The following LTBP1 variants were observed in gnomAD, a reference collection of about 807,000 sequenced individuals.
LTBP1 encodes latent-transforming growth factor beta-binding protein 1.
LTBP1 carries 129 observed loss-of-function variants against 207.6 expected under a neutral mutation model. The observed-to-expected ratio is 0.62, with a 90% CI of 0.54 to 0.72. The LOEUF (loss-of-function observed/expected upper bound fraction) is 0.72, where lower values mean the gene tolerates loss of function less well. LTBP1 is among the 30% of genes least tolerant of loss of function. The probability of loss-of-function intolerance (pLI) is 0.00; values close to 1 mark genes in which losing one functional copy is unlikely to be tolerated. For missense variants in LTBP1, 2,281 were observed against 2,217.2 expected (o/e 1.03, Z -0.58); for synonymous variants, 963 against 833.7 (o/e 1.16, Z -2.67).
chr2:33,230,056 A>T (rs1254413674), intron 9 of LTBP1, among the ~76,000 whole-genome samples: 5 of 152,198 alleles, frequency 3.3e-5, no homozygotes, highest in African/African-American at 1.2e-4. Flanking sequence ...ACTTGCTCAC[A>T]TTACATATGT....
intron 5 of LTBP1, among the ~76,000 whole-genome samples, chr2:33,155,252 G>T (rs2083874756): frequency 6.6e-6 from 1 of 152,100 alleles, no homozygotes. Flanking sequence ...TTTTAGAAGA[G>T]ATACGGTTTC....
chr2:33,252,214 A>T (rs570545855), intron 10 of LTBP1, among the ~76,000 whole-genome samples: 1 of 152,242 alleles, frequency 6.6e-6, no homozygotes, highest in South Asian at 2.1e-4. Context: ...CTTCCCTGGG[A>T]TGAGAAGAGC....
Position 33,397,162 on chromosome 2 carries a change from G to A in LTBP1, c.4864G>A (p.Ala1622Thr), listed in dbSNP as rs1181504148. 2 of 1,614,020 alleles carry A rather than the reference G, an allele frequency of 1.2e-6. No homozygotes were observed. Among genetic ancestry groups the A allele is most frequent in the Non-Finnish European group, 1.7e-6 (2 of 1,179,968 alleles). Residue 1622 changes from alanine to threonine, a missense_variant, in exon 33 of 34, where the codon GCT becomes ACT. Physicochemically the swap from Ala to Thr is moderately conservative, Grantham distance 58. Coordinates refer to ENST00000404816, the MANE Select transcript of LTBP1 (RefSeq NM_206943.4). The stretch of plus-strand genomic sequence containing the variant: ...TCTAAATAGCTTTGAGGAGTTACAG[G>A]CTGAGGAATGCGGCATCCTCAATGG... ...RFLNSFEELQ[A>T]EECGILNGCE...
At chr2:33,045,833 C>T (rs992359600) in intron 3 of LTBP1, among the ~76,000 whole-genome samples, 2 of 152,092 alleles carry the variant, frequency 1.3e-5, no homozygotes, top group African/African-American at 4.8e-5. Context: ...CCTTCACATC[C>T]CTTGTAAGTT....
intron 2 of LTBP1, among the ~76,000 whole-genome samples, chr2:33,015,885 C>T (rs1688307895): frequency 6.6e-6 from 1 of 152,038 alleles, no homozygotes; most frequent in Admixed American, 6.5e-5. Flanking sequence ...TTTTGAACAA[C>T]CAGATCTCAG....
intron 3 of LTBP1, among the ~76,000 whole-genome samples, chr2:33,054,823 C>T (rs2149541171): frequency 6.6e-6 from 1 of 152,260 alleles, no homozygotes; most frequent in South Asian, 2.1e-4. Flanking sequence ...CCCCAGGCAC[C>T]CTCAGTCCTG....
chr2:32,959,549 ATGTGTG>A (rs10649487), intron 2 of LTBP1, among the ~76,000 whole-genome samples: 9 of 125,346 alleles, frequency 7.2e-5, no homozygotes, highest in African/African-American at 1.5e-4. Context: ...CTGTATATAT[ATGTGTG>A]TGTGTGTGTG....
chr2:33,248,258 A>T (rs2092572816), intron 10 of LTBP1, among the ~76,000 whole-genome samples: 1 of 152,242 alleles, frequency 6.6e-6, no homozygotes, highest in South Asian at 2.1e-4. Flanking sequence ...TATGTGAATT[A>T]TCCCATATAA....
chr2:33,258,294 A>G (rs2092916460), intron 12 of LTBP1, among the ~76,000 whole-genome samples: 1 of 152,200 alleles, frequency 6.6e-6, no homozygotes. Context: ...ATTTGTATGG[A>G]ATAGACGTAT....
At chr2:33,304,968 A>C (rs1383063328) in intron 22 of LTBP1, among the ~76,000 whole-genome samples, 2 of 152,254 alleles carry the variant, frequency 1.3e-5, no homozygotes, top group Admixed American at 1.3e-4. Context: ...TAAACCAAAC[A>C]GAAATTTCTT....
At chr2:32,982,255 G>A (rs568698336) in intron 2 of LTBP1, among the ~76,000 whole-genome samples, 1 of 152,292 alleles carries the variant, frequency 6.6e-6, no homozygotes, top group South Asian at 2.1e-4. Flanking sequence ...GTGGCATTTT[G>A]CTTTTGCCCT....
intron 2 of LTBP1, among the ~76,000 whole-genome samples, chr2:33,011,537 G>C (rs1417374827): frequency 6.6e-6 from 1 of 152,056 alleles, no homozygotes; most frequent in Non-Finnish European, 1.5e-5. Context: ...ACCGAGTGAA[G>C]TCACAGGGAG....
chr2:33,339,257 G>T (rs960427320), intron 24 of LTBP1, among the ~76,000 whole-genome samples: 1 of 152,068 alleles, frequency 6.6e-6, no homozygotes, highest in Non-Finnish European at 1.5e-5. Flanking sequence ...TAATAAATTC[G>T]TTTATTATGA....
intron 15 of LTBP1, among the ~76,000 whole-genome samples, chr2:33,271,713 CCTT>C (rs2093326178): frequency 6.6e-6 from 1 of 152,132 alleles, no homozygotes; most frequent in Non-Finnish European, 1.5e-5. Flanking sequence ...TTCCCTCCAA[CCTT>C]CTTTTCTGTG....
At chr2:33,015,537 G>A (rs7607820) in intron 2 of LTBP1, among the ~76,000 whole-genome samples, 1 of 145,956 alleles carries the variant, frequency 6.9e-6, no homozygotes, top group Non-Finnish European at 1.5e-5. Flanking sequence ...AACCTAGTTG[G>A]CAAATAGGAG....
intron 2 of LTBP1, among the ~76,000 whole-genome samples, chr2:32,993,589 T>A (rs1240309620): frequency 6.6e-6 from 1 of 152,220 alleles, no homozygotes; most frequent in East Asian, 1.9e-4. Context: ...TACTGGGTAG[T>A]CACTAGGAGA....
chr2:33,385,021 A>G (rs771474330), intron 31 of LTBP1, among the ~76,000 whole-genome samples: 2 of 152,178 alleles, frequency 1.3e-5, no homozygotes, highest in African/African-American at 4.8e-5. Flanking sequence ...CTTATTCTCT[A>G]TGTAAGACAT....
At chr2:33,044,159 G>GATACATGTGCAGAACATGGCAGGT in intron 3 of LTBP1, among the ~76,000 whole-genome samples, 1 of 151,782 alleles carries the variant, frequency 6.6e-6, no homozygotes, top group South Asian at 2.1e-4. Context: ...TAAGTTCTGG[G>GATACATGTGCAGAACATGGCAGGT]ATACATGTGC....
At chr2:32,966,744 A>G (rs1248113068) in intron 2 of LTBP1, among the ~76,000 whole-genome samples, 1 of 152,076 alleles carries the variant, frequency 6.6e-6, no homozygotes, top group East Asian at 1.9e-4. Context: ...GTTGTGTATA[A>G]TTGTTTTTAT....
Sources: allele counts gnomAD v4.1 joint callset (sites outside exome capture counted in the v4.1 genomes callset), GRCh38; gene constraint gnomAD v4.1.1; transcripts MANE v1.5; gene names NCBI Gene and HGNC (gene_info 2026-07-23, HGNC 2026-07-21).